THSD7A: variants seen among roughly 807,000 people sequenced by gnomAD.
THSD7A encodes thrombospondin type 1 domain containing 7A.
A neutral mutation model predicts 231.3 loss-of-function variants in THSD7A; 96 were observed. The ratio of observed to expected loss-of-function variants is 0.41; its 90% CI spans 0.35 to 0.49. The LOEUF (loss-of-function observed/expected upper bound fraction) is 0.49, where lower values mean the gene tolerates loss of function less well. Ranked by LOEUF, THSD7A falls within the 20% of genes least tolerant of loss-of-function variation. The pLI is 0.05. For synonymous variants in THSD7A, 940 were observed against 743.3 expected, an observed-to-expected ratio of 1.26 and a Z score of -4.30; for missense variants, 2,290 against 2,070.2, an observed-to-expected ratio of 1.11 and a Z score of -2.06.
intron 6 of THSD7A, among the ~76,000 whole-genome samples, chr7:11,525,675 A>G (rs1047038283): frequency 6.6e-6 from 1 of 152,190 alleles, no homozygotes; most frequent in African/African-American, 2.4e-5. Flanking sequence ...ATAATTATAA[A>G]AGATATTCTT....
chr7:11,469,765 T>A (rs1785858752), intron 9 of THSD7A, 114 bp downstream of exon 9: 2 of 629,350 alleles, frequency 3.2e-6, no homozygotes, highest in South Asian at 4.3e-5. Flanking sequence ...GCATGTCAAA[T>A]CAGGTTTACA....
intron 1 of THSD7A, among the ~76,000 whole-genome samples, chr7:11,764,336 C>T (rs1470943865): frequency 1.3e-5 from 2 of 152,144 alleles, no homozygotes; most frequent in East Asian, 1.9e-4. Flanking sequence ...GATCCCAGCA[C>T]TTTGGGAGGC....
intron 4 of THSD7A, among the ~76,000 whole-genome samples, chr7:11,566,914 G>T (rs1790353122): frequency 1.4e-5 from 2 of 146,704 alleles, no homozygotes; most frequent in Admixed American, 6.8e-5. Context: ...TAACTCTTTT[G>T]TGAGCTGATA....
rs1782164959 is a variant in THSD7A at position 11,373,987 on chromosome 7, G to C, written c.*1807C>G. The C allele has an allele frequency of 6.6e-6, 1 of 152,136 alleles. No homozygotes were observed. The highest frequency in any genetic ancestry group is 2.1e-4 in the South Asian group (1 of 4,826). The allele number at this position is 152,136 out of a possible 1,614,324, so 9.4% of individuals were successfully genotyped here. Reference sequence around the variant, plus strand: ...TGAGTTAGTTAAATATTGTTCCACTGTGCCATTCCCAGGGCTACATCTGTA... The same window carrying C: ...TGAGTTAGTTAAATATTGTTCCACTCTGCCATTCCCAGGGCTACATCTGTA... On this transcript the variant is annotated 3_prime_UTR_variant, in exon 28 of 28. Coordinates refer to ENST00000423059, the MANE Select transcript of THSD7A (RefSeq NM_015204.3).
intron 2 of THSD7A, among the ~76,000 whole-genome samples, chr7:11,602,949 T>C (rs1780600149): frequency 6.6e-6 from 1 of 151,220 alleles, no homozygotes; most frequent in South Asian, 2.1e-4. Flanking sequence ...GGCATCACCA[T>C]TCAGGACATA....
intron 9 of THSD7A, among the ~76,000 whole-genome samples, chr7:11,463,282 G>A (rs1583788572): frequency 6.6e-6 from 1 of 152,246 alleles, no homozygotes; most frequent in Admixed American, 6.5e-5. Context: ...CACGGTCTGG[G>A]CAACTGACTC....
At chr7:11,482,422 T>C (rs924673520) in intron 6 of THSD7A, among the ~76,000 whole-genome samples, 3 of 152,218 alleles carry the variant, frequency 2.0e-5, no homozygotes, top group African/African-American at 4.8e-5. Flanking sequence ...AACTAATAGG[T>C]GTCTATTTAC....
intron 1 of THSD7A, among the ~76,000 whole-genome samples, chr7:11,650,000 G>T (rs1380918093): frequency 6.6e-6 from 1 of 152,088 alleles, no homozygotes; most frequent in Non-Finnish European, 1.5e-5. Flanking sequence ...GGGTGAGGGA[G>T]TAAATGTGTA....
At chr7:11,648,767 A>G (rs896198466) in intron 1 of THSD7A, among the ~76,000 whole-genome samples, 4 of 151,586 alleles carry the variant, frequency 2.6e-5, no homozygotes, top group Admixed American at 6.6e-5. Flanking sequence ...CCACTTTTCT[A>G]TTAGGGGTAG....
intron 4 of THSD7A, among the ~76,000 whole-genome samples, chr7:11,577,127 C>T (rs544825182): frequency 6.6e-6 from 1 of 152,096 alleles, no homozygotes; most frequent in South Asian, 2.1e-4. Flanking sequence ...ACTTTTCTTA[C>T]CCCCTTGTTA....
At chr7:11,628,224 T>G (rs1262824922) in intron 2 of THSD7A, among the ~76,000 whole-genome samples, 2 of 152,180 alleles carry the variant, frequency 1.3e-5, no homozygotes, top group Non-Finnish European at 2.9e-5. Flanking sequence ...ACATTTAAAC[T>G]TGACCTCCAA....
chr7:11,401,775 A>G lies in THSD7A; in HGVS notation c.4411+20T>C, dbSNP rs755718669. The G allele has an allele frequency of 1.2e-6, 2 of 1,601,052 alleles. No homozygotes were observed. Among genetic ancestry groups the G allele is most frequent in the South Asian group, 2.2e-5 (2 of 89,052 alleles). On this transcript the variant is annotated intron_variant, in intron 23 of 27. Coordinates refer to ENST00000423059, the MANE Select transcript of THSD7A (RefSeq NM_015204.3). ...CTTATGCTTTTGCTTAAGATAGAGT[A>G]TATGAACGGTAGCACTCACCATAAC...
chr7:11,582,400 C>G (rs1198219984), intron 4 of THSD7A, among the ~76,000 whole-genome samples: 1 of 151,980 alleles, frequency 6.6e-6, no homozygotes, highest in Non-Finnish European at 1.5e-5. Context: ...TTTTCCTAAG[C>G]AATACTCTCC....
intron 6 of THSD7A, among the ~76,000 whole-genome samples, chr7:11,535,403 TAC>T (rs1788873241): frequency 6.6e-6 from 1 of 152,092 alleles, no homozygotes; most frequent in African/African-American, 2.4e-5. Flanking sequence ...AAATGGTGAT[TAC>T]TACACACCAA....
chr7:11,558,855 G>A (rs1203691505), intron 4 of THSD7A, among the ~76,000 whole-genome samples: 1 of 152,164 alleles, frequency 6.6e-6, no homozygotes, highest in Non-Finnish European at 1.5e-5. Flanking sequence ...CTCCACAGAT[G>A]TGATTAAAGG....
intron 1 of THSD7A, among the ~76,000 whole-genome samples, chr7:11,722,121 C>G (rs905859646): frequency 1.3e-5 from 2 of 151,812 alleles, no homozygotes; most frequent in Admixed American, 1.3e-4. Flanking sequence ...GTCTGGCTGT[C>G]CTTGTTAATA....
At chr7:11,407,874 TA>T (rs1213311387) in intron 19 of THSD7A, among the ~76,000 whole-genome samples, 1 of 152,200 alleles carries the variant, frequency 6.6e-6, no homozygotes, top group African/African-American at 2.4e-5. Context: ...GTTCTAAACA[TA>T]AATTCATACT....
At chr7:11,448,224 C>T (rs973049442) in intron 11 of THSD7A, among the ~76,000 whole-genome samples, 2 of 152,002 alleles carry the variant, frequency 1.3e-5, no homozygotes, top group African/African-American at 4.8e-5. Flanking sequence ...TGATATTGTT[C>T]TGCTGACTTA....
rs139949124 is a variant in THSD7A, at chr7:11,814,704, A to G, written c.190+17053T>C. Among the ~76,000 whole-genome samples, 29 of 152,296 alleles carry G rather than the reference A, an allele frequency of 1.9e-4. No homozygotes were observed. Among genetic ancestry groups the G allele is most frequent in the African/African-American group, 5.8e-4 (24 of 41,568 alleles). ...AAATTACATTAAATATTGCAGTAAG[A>G]GACAGGGAGAGAAATGTATCTTAGC... is the stretch of plus-strand genomic sequence containing the variant. On this transcript the variant is annotated intron_variant, in intron 1 of 27. Transcript: ENST00000423059. This position sits in a 1 kb window ranked among gnomAD's most constrained non-coding sequence, Gnocchi z 5.1.
Sources: allele counts gnomAD v4.1 joint callset (sites outside exome capture counted in the v4.1 genomes callset), GRCh38; gene constraint gnomAD v4.1.1; non-coding constraint Gnocchi (gnomAD v3.1); transcripts MANE v1.5; gene names NCBI Gene and HGNC (gene_info 2026-07-23, HGNC 2026-07-21).